Variants in SPATA19 observed in about 807,000 individuals in gnomAD.
SPATA19 encodes the protein spermatogenesis associated 19.
Under a neutral mutation model 25.0 loss-of-function variants are expected in SPATA19, and 19 were observed. That is an observed-to-expected ratio of 0.76 (90% CI 0.53 to 1.11). The LOEUF is 1.11. SPATA19 is among the 50% of genes most tolerant of loss of function. The pLI, the probability that SPATA19 is intolerant of heterozygous loss-of-function variation, is 0.00. For missense variants in SPATA19, 222 were observed against 211.4 expected (o/e 1.05, Z -0.31); for synonymous variants, 64 against 69.3 (o/e 0.92, Z 0.38).
rs1352410015 is a variant in SPATA19, at chr11:133,840,647, A to T, written c.*286T>A. The T allele has an allele frequency of 6.6e-6, 1 of 152,232 alleles. No individual in the cohort carries two copies. Among genetic ancestry groups the T allele is most frequent in the Non-Finnish European group, 1.5e-5 (1 of 68,072 alleles). 9.4% of individuals were successfully genotyped at this position (152,232 alleles called of 1,614,324 possible). ...AACAGGGCGGGTTGTTAAACAGCAC[A>T]TCTCTTTATTCGCAGTTCAGCAAGA... On this transcript the variant is annotated 3_prime_UTR_variant, in exon 7 of 7. Coordinates refer to ENST00000299140, the MANE Select transcript of SPATA19 (RefSeq NM_174927.3).
chr11:133,835,964 T>A (rs570152686), downstream of SPATA19, among the ~76,000 whole-genome samples: 1 of 152,320 alleles, frequency 6.6e-6, no homozygotes, highest in African/African-American at 2.4e-5. Flanking sequence ...CTGGGCTCTC[T>A]GCCGCCGTCC....
intron 3 of SPATA19, 32 bp from the exon 4 acceptor site, chr11:133,844,369 G>A: frequency 1.2e-6 from 2 of 1,611,922 alleles, no homozygotes; most frequent in Non-Finnish European, 1.7e-6. Context: ...TGTGATTCCT[G>A]CCCAGTGTGG....
Position 133,845,192 on chromosome 11 carries a change from T to G in SPATA19, c.79-2A>C, listed in dbSNP as rs150527694. 1.9e-6 allele frequency: 3 copies of G among 1,613,964 alleles called. No individual in the cohort carries two copies. The African/African-American group carries it at 4.0e-5, about 22-fold the overall frequency. On this transcript the variant is annotated splice_acceptor_variant, in intron 1 of 6. Transcript: ENST00000299140. LOFTEE classifies it high-confidence loss of function. Reference sequence around the variant, plus strand: ...CTCACTTTCCACAACGTCAATGTCCTGGAACAAATTGGCAAGTTGGTGACC... The same window carrying G: ...CTCACTTTCCACAACGTCAATGTCCGGGAACAAATTGGCAAGTTGGTGACC...
chr11:133,844,125 C>T, intron 4 of SPATA19, 121 bp downstream of exon 4: 1 of 799,292 alleles, frequency 1.3e-6, no homozygotes, highest in Non-Finnish European at 2.2e-6. Context: ...CAAAGCAAGG[C>T]TGAGGAATTT....
intron 2 of SPATA19, 127 bp from the exon 3 acceptor site, chr11:133,844,767 T>G (rs1337736658): frequency 8.9e-7 from 1 of 1,126,392 alleles, no homozygotes; most frequent in African/African-American, 1.6e-5. Context: ...ACACATACAC[T>G]CCTTACCTCA....
chr11:133,843,443 C>T (rs1938353209), intron 4 of SPATA19, among the ~76,000 whole-genome samples: 1 of 152,176 alleles, frequency 6.6e-6, no homozygotes, highest in Non-Finnish European at 1.5e-5. Context: ...AATTACTGTG[C>T]ATTTGAGTCT....
chr11:133,842,000 G>C, intron 6 of SPATA19, 30 bp downstream of exon 6: 1 of 1,597,624 alleles, frequency 6.3e-7, no homozygotes. Context: ...CATCTTCTCT[G>C]CCCAGTTCCT....
chr11:133,843,542 C>T (rs893990068), intron 4 of SPATA19, among the ~76,000 whole-genome samples: 6 of 152,154 alleles, frequency 3.9e-5, no homozygotes, highest in African/African-American at 1.4e-4. Flanking sequence ...AGATCAACAT[C>T]GATGATGCGG....
chr11:133,841,957 G>T, intron 6 of SPATA19, 73 bp downstream of exon 6: 1 of 1,387,290 alleles, frequency 7.2e-7, no homozygotes, highest in Non-Finnish European at 1.0e-6. Flanking sequence ...CAAGTTCCCA[G>T]CTGCAGTGCC....
rs1268450080 is a variant in SPATA19 at position 133,842,525 on chromosome 11, C to G, written c.397G>C (p.Glu133Gln). The G allele has an allele frequency of 6.2e-7, 1 of 1,614,138 alleles. No individual in the cohort carries two copies. Among genetic ancestry groups the G allele is most frequent in the Admixed American group, 1.7e-5 (1 of 60,028 alleles). Residue 133 changes from glutamate to glutamine, a missense_variant, in exon 5 of 7, where the codon GAG becomes CAG. Coordinates refer to ENST00000299140, the MANE Select transcript of SPATA19 (RefSeq NM_174927.3). Reference protein sequence around the residue: ...RIFQVPSEMTEDIMRDRIEQV... With the variant: ...RIFQVPSEMTQDIMRDRIEQV... Reference sequence around the variant, plus strand: ...TCTATTCGATCTCGCATGATGTCCTCTGTCATCTCACTTGGCACTTGGAAG... The same window carrying G: ...TCTATTCGATCTCGCATGATGTCCTGTGTCATCTCACTTGGCACTTGGAAG...
rs531328495 is a variant in SPATA19 at position 133,840,780 on chromosome 11, G to C, written c.*153C>G. 25 of 152,332 alleles carry C rather than the reference G, an allele frequency of 1.6e-4. No individual in the cohort carries two copies. The highest frequency in any genetic ancestry group is 6.0e-4 in the African/African-American group (25 of 41,552). The allele number at this position is 152,332 out of a possible 1,614,324, so 9.4% of individuals were successfully genotyped here. ...CAGAGAAGGATGTTCTTCTGATACA[G>C]GTTGCTGCTGGACCCTGAAGGACTT... is the stretch of plus-strand genomic sequence containing the variant. On this transcript the variant is annotated 3_prime_UTR_variant, in exon 7 of 7. Transcript: ENST00000299140.
intron 4 of SPATA19, among the ~76,000 whole-genome samples, chr11:133,844,014 A>C (rs1331650659): frequency 6.6e-6 from 1 of 152,244 alleles, no homozygotes; most frequent in African/African-American, 2.4e-5. Context: ...AGAAGCATTT[A>C]AGAAATGGAG....
downstream of SPATA19, among the ~76,000 whole-genome samples, chr11:133,838,238 G>A (rs533180741): frequency 2.6e-5 from 4 of 152,236 alleles, no homozygotes; most frequent in East Asian, 1.9e-4. Context: ...TGGACAACAC[G>A]CAAGAACAGA....
At chr11:133,837,205 A>T (rs528626906), downstream of SPATA19, among the ~76,000 whole-genome samples, 1 of 152,344 alleles carries the variant, frequency 6.6e-6, no homozygotes, top group Non-Finnish European at 1.5e-5. Flanking sequence ...ACTCTTCTTA[A>T]ATCCCTCAGA....
chr11:133,836,262 G>A (rs1462393198), downstream of SPATA19, among the ~76,000 whole-genome samples: 2 of 152,186 alleles, frequency 1.3e-5, no homozygotes, highest in Middle Eastern at 3.4e-3. Flanking sequence ...CCTCTGCCTG[G>A]TTACCTCCTA....
At chr11:133,836,252 C>T (rs376835951), downstream of SPATA19, among the ~76,000 whole-genome samples, 8 of 152,298 alleles carry the variant, frequency 5.3e-5, no homozygotes, top group Middle Eastern at 6.8e-3. Context: ...CTCTCCTGCC[C>T]CTCTGCCTGG....
downstream of SPATA19, among the ~76,000 whole-genome samples, chr11:133,838,545 A>G (rs1290122206): frequency 1.3e-5 from 2 of 152,260 alleles, no homozygotes; most frequent in African/African-American, 2.4e-5. Flanking sequence ...TGGATTAAAG[A>G]CTTACATGTT....
intron 1 of SPATA19, 53 bp from the exon 2 acceptor site, chr11:133,845,243 T>TGCCCCCCCCCCC: frequency 1.3e-6 from 2 of 1,555,096 alleles, no homozygotes; most frequent in Non-Finnish European, 8.8e-7. Flanking sequence ...ATTCAGCTCT[T>TGCCCCCCCCCCC]CCCACCCAGC....
In SPATA19 at chr11:133,844,233, T is replaced by C. The variant is rs781046692; in HGVS notation, c.359+13A>G. ...CTCCCCTTCCTTCGCCCAGGGCAAG[T>C]GGGACACCTTACCTCCATCTTATGA... On this transcript the variant is annotated intron_variant, in intron 4 of 6. Coordinates refer to ENST00000299140, the MANE Select transcript of SPATA19 (RefSeq NM_174927.3). The C allele has an allele frequency of 8.7e-6, 14 of 1,612,560 alleles. No individual in the cohort carries two copies. In the South Asian group the frequency reaches 1.3e-4, roughly 15 times the overall value.
Sources: gnomAD v4.1 joint callset for allele counts (sites outside exome capture counted in the v4.1 genomes callset) on GRCh38, gnomAD v4.1.1 for gene constraint, MANE v1.5 for transcripts, NCBI Gene and HGNC (gene_info 2026-07-23, HGNC 2026-07-21) for gene names.